GABRB2: variants seen among roughly 807,000 people sequenced by gnomAD.
GABRB2 encodes gamma-aminobutyric acid receptor subunit beta-2.
Under a neutral mutation model 54.7 loss-of-function variants are expected in GABRB2, and 16 were observed. That is an observed-to-expected ratio of 0.29 (90% CI 0.20 to 0.44). The LOEUF (loss-of-function observed/expected upper bound fraction) is 0.44. Ranked by LOEUF, GABRB2 falls within the 20% of genes least tolerant of loss-of-function variation. The pLI is 1.00. For missense variants in GABRB2, 355 were observed against 644.0 expected (o/e 0.55, Z 4.86); for synonymous variants, 244 against 233.8 (o/e 1.04, Z -0.40).
chr5:161,363,459 A>G (rs1463643741), intron 5 of GABRB2, among the ~76,000 whole-genome samples: 1 of 152,144 alleles, frequency 6.6e-6, no homozygotes, highest in East Asian at 1.9e-4. Flanking sequence ...GCAACCCACC[A>G]TGGCATGTGT....
intron 3 of GABRB2, among the ~76,000 whole-genome samples, chr5:161,460,659 C>A (rs530573933): frequency 1.3e-5 from 2 of 152,024 alleles, no homozygotes; most frequent in South Asian, 4.2e-4. Context: ...TCCATTCATT[C>A]ATTCATTAAA....
At chr5:161,407,559 CA>C (rs1363802592) in intron 5 of GABRB2, among the ~76,000 whole-genome samples, 1 of 151,982 alleles carries the variant, frequency 6.6e-6, no homozygotes, top group African/African-American at 2.4e-5. Flanking sequence ...CAAGTACATT[CA>C]AAAGAACTTT....
At chr5:161,403,145 A>G (rs1756252009) in intron 5 of GABRB2, among the ~76,000 whole-genome samples, 1 of 152,118 alleles carries the variant, frequency 6.6e-6, no homozygotes, top group African/African-American at 2.4e-5. Flanking sequence ...GCCCCTTAAC[A>G]AAGTGGGGGC....
At chr5:161,371,761 G>T (rs1755138913) in intron 5 of GABRB2, among the ~76,000 whole-genome samples, 2 of 151,932 alleles carry the variant, frequency 1.3e-5, no homozygotes, top group African/African-American at 4.8e-5. Flanking sequence ...TCACTCTGTA[G>T]CCCAGGCTGG....
intron 3 of GABRB2, among the ~76,000 whole-genome samples, chr5:161,544,474 A>G (rs1048236230): frequency 6.6e-6 from 1 of 152,154 alleles, no homozygotes; most frequent in Non-Finnish European, 1.5e-5. Context: ...TCCCGATTGA[A>G]GCAAACCCCC....
At chr5:161,344,775 C>A (rs1437326533) in intron 5 of GABRB2, among the ~76,000 whole-genome samples, 2 of 152,018 alleles carry the variant, frequency 1.3e-5, no homozygotes, top group African/African-American at 4.8e-5. Context: ...TACCCAATAG[C>A]AAAGACTTGG....
intron 9 of GABRB2, among the ~76,000 whole-genome samples, chr5:161,301,433 TC>T (rs1427425329): frequency 6.6e-6 from 1 of 152,036 alleles, no homozygotes; most frequent in Non-Finnish European, 1.5e-5. Context: ...TTTTTTTTTT[TC>T]GATTAGGACA....
intron 5 of GABRB2, among the ~76,000 whole-genome samples, chr5:161,344,874 A>T (rs563613281): frequency 6.6e-6 from 1 of 152,234 alleles, no homozygotes; most frequent in South Asian, 2.1e-4. Context: ...CATAAAAAAG[A>T]TGAGTTCATG....
chr5:161,489,320 AT>A (rs139921971), intron 3 of GABRB2, among the ~76,000 whole-genome samples: 3,897 of 151,810 alleles, frequency 0.026, 82 homozygotes, highest in East Asian at 0.11. Context: ...AGCAACATAA[AT>A]GAGGCAGATA....
At chr5:161,545,159 G>C in intron 3 of GABRB2, 68 bp downstream of exon 3, 1 of 1,229,814 alleles carries the variant, frequency 8.1e-7, no homozygotes, top group South Asian at 1.4e-5. Context: ...CCCAATAGCT[G>C]GCTCATTTCT....
chr5:161,431,552 A>G (rs1229203020), intron 4 of GABRB2, among the ~76,000 whole-genome samples: 1 of 152,232 alleles, frequency 6.6e-6, no homozygotes, highest in African/African-American at 2.4e-5. Context: ...AGTAGCCTCC[A>G]TAACAATAAA....
chr5:161,407,441 T>C (rs1756378519), intron 5 of GABRB2, among the ~76,000 whole-genome samples: 1 of 152,102 alleles, frequency 6.6e-6, no homozygotes, highest in Admixed American at 6.6e-5. Context: ...GAGAAATCTT[T>C]GATTTGTACT....
chr5:161,491,660 C>G (rs1418101545), intron 3 of GABRB2, among the ~76,000 whole-genome samples: 3 of 151,426 alleles, frequency 2.0e-5, no homozygotes, highest in Non-Finnish European at 4.4e-5. Flanking sequence ...CCTTCAAAAC[C>G]AAGAAGGATG....
chr5:161,336,357 T>C (rs1299305050), intron 6 of GABRB2, among the ~76,000 whole-genome samples: 1 of 152,162 alleles, frequency 6.6e-6, no homozygotes, highest in African/African-American at 2.4e-5. Context: ...GCCAGGTCTT[T>C]ATTTCTCTTC....
At chr5:161,484,435 C>T (rs1758857208) in intron 3 of GABRB2, among the ~76,000 whole-genome samples, 1 of 151,836 alleles carries the variant, frequency 6.6e-6, no homozygotes, top group Non-Finnish European at 1.5e-5. Flanking sequence ...GAGAAATGAC[C>T]CACCTTTCAA....
chr5:161,317,586 G>T (rs1452136571), intron 9 of GABRB2, among the ~76,000 whole-genome samples: 1 of 152,120 alleles, frequency 6.6e-6, no homozygotes, highest in Admixed American at 6.5e-5. Context: ...AAGAGCATAT[G>T]CTTAACCTAG....
At chr5:161,392,620 C>T (rs1321987967) in intron 5 of GABRB2, among the ~76,000 whole-genome samples, 2 of 152,116 alleles carry the variant, frequency 1.3e-5, no homozygotes, top group Non-Finnish European at 2.9e-5. Flanking sequence ...GTTTCACTTT[C>T]CAAATCTGGA....
At chr5:161,407,594 TTTG>T (rs1052138375) in intron 5 of GABRB2, among the ~76,000 whole-genome samples, 1 of 152,006 alleles carries the variant, frequency 6.6e-6, no homozygotes, top group African/African-American at 2.4e-5. Flanking sequence ...TGGGCATAAC[TTTG>T]TTGTTGTTTG....
At chr5:161,524,291 T>C (rs1760205427) in intron 3 of GABRB2, among the ~76,000 whole-genome samples, 1 of 151,622 alleles carries the variant, frequency 6.6e-6, no homozygotes, top group African/African-American at 2.4e-5. Context: ...TAAGCTACAA[T>C]CACTCTCCTC....
Sources: allele counts gnomAD v4.1 joint callset (sites outside exome capture counted in the v4.1 genomes callset), GRCh38; gene constraint gnomAD v4.1.1; transcripts MANE v1.5; gene names NCBI Gene and HGNC (gene_info 2026-07-23, HGNC 2026-07-21).